Variants in IQSEC1 observed in about 807,000 individuals in gnomAD.
The protein encoded by IQSEC1 is IQ motif and Sec7 domain ArfGEF 1.
IQSEC1 carries 31 observed loss-of-function variants against 91.0 expected under a neutral mutation model. The observed-to-expected ratio is 0.34, with a 90% CI of 0.26 to 0.46. IQSEC1 has a LOEUF of 0.46. Ranked by LOEUF, IQSEC1 falls within the 20% of genes least tolerant of loss-of-function variation. The probability of loss-of-function intolerance (pLI) is 1.00; values close to 1 mark genes in which losing one functional copy is unlikely to be tolerated. For missense variants in IQSEC1, 1,388 were observed against 1,575.6 expected, an observed-to-expected ratio of 0.88 and a Z score of 2.02; for synonymous variants, 699 against 662.6, an observed-to-expected ratio of 1.05 and a Z score of -0.84.
At chr3:13,186,647 A>G (rs999800765) in intron 1 of IQSEC1, among the ~76,000 whole-genome samples, 3 of 152,172 alleles carry the variant, frequency 2.0e-5, no homozygotes, top group African/African-American at 7.2e-5. Flanking sequence ...GGATGCACAG[A>G]CGGGGCAGAG....
chr3:13,187,886 G>T (rs1693960955), intron 1 of IQSEC1, among the ~76,000 whole-genome samples: 1 of 152,176 alleles, frequency 6.6e-6, no homozygotes, highest in South Asian at 2.1e-4. Flanking sequence ...AGGCCTCTGT[G>T]TAACCTCTTT....
chr3:13,082,515 A>C (rs1705661865), intron 2 of IQSEC1, among the ~76,000 whole-genome samples: 1 of 152,174 alleles, frequency 6.6e-6, no homozygotes, highest in South Asian at 2.1e-4. Flanking sequence ...TGAGCACTGC[A>C]TGGCCATAGG....
At chr3:12,933,565 C>G (rs1697899021) in intron 3 of IQSEC1, among the ~76,000 whole-genome samples, 1 of 152,258 alleles carries the variant, frequency 6.6e-6, no homozygotes, top group African/African-American at 2.4e-5. Flanking sequence ...CCCTCACCGC[C>G]CTGGGAGGAG....
chr3:13,133,634 G>A (rs1042571014), intron 2 of IQSEC1, among the ~76,000 whole-genome samples: 1 of 152,206 alleles, frequency 6.6e-6, no homozygotes, highest in South Asian at 2.1e-4. Flanking sequence ...AAGAGCGGTT[G>A]CACCGAGTCA....
At chr3:13,051,148 T>C (rs1038627349) in intron 1 of IQSEC1, among the ~76,000 whole-genome samples, 1 of 152,166 alleles carries the variant, frequency 6.6e-6, no homozygotes, top group Non-Finnish European at 1.5e-5. Flanking sequence ...TCCAGGCTCA[T>C]GGACACAGAG....
intron 2 of IQSEC1, among the ~76,000 whole-genome samples, chr3:13,127,140 C>T (rs1411126750): frequency 5.9e-5 from 9 of 152,014 alleles, no homozygotes; most frequent in Admixed American, 1.3e-4. Context: ...CGGCTGGGGG[C>T]GGTGGCTCAC....
chr3:13,120,062 G>T (rs1706398993), intron 2 of IQSEC1, among the ~76,000 whole-genome samples: 1 of 152,204 alleles, frequency 6.6e-6, no homozygotes, highest in Non-Finnish European at 1.5e-5. Context: ...ATGTTCCTTA[G>T]AAGGCACTCA....
chr3:12,952,940 C>A (rs1263829492), intron 1 of IQSEC1, among the ~76,000 whole-genome samples: 1 of 152,362 alleles, frequency 6.6e-6, no homozygotes, highest in African/African-American at 2.4e-5. Flanking sequence ...TGACAGGCAG[C>A]GACCCTGGCC....
intron 1 of IQSEC1, among the ~76,000 whole-genome samples, chr3:13,019,152 T>A (rs1703283446): frequency 1.3e-5 from 2 of 152,222 alleles, no homozygotes; most frequent in African/African-American, 4.8e-5. Flanking sequence ...CAACCTACCG[T>A]TGTGGGCTCT....
intron 2 of IQSEC1, among the ~76,000 whole-genome samples, chr3:12,938,651 G>A (rs964528760): frequency 3.9e-5 from 6 of 152,144 alleles, no homozygotes; most frequent in Non-Finnish European, 5.9e-5. Flanking sequence ...CCCATAAGAG[G>A]CCCAAGGCTG....
Position 12,899,260 on chromosome 3 carries a change from G to T in IQSEC1, c.*1723C>A. 1 of 1,049,490 alleles carries T rather than the reference G, an allele frequency of 9.5e-7. No individual in the cohort carries two copies. The highest frequency in any genetic ancestry group is 1.5e-5 in the South Asian group (1 of 66,362). The allele number at this position is 1,049,490 out of a possible 1,614,324, so 65.0% of individuals were successfully genotyped here. A position where few individuals can be genotyped will look rare whatever the true frequency, so the allele number is the denominator to read the frequency against. On this transcript the variant is annotated 3_prime_UTR_variant, in exon 14 of 14. Coordinates refer to ENST00000613206, the MANE Select transcript of IQSEC1 (RefSeq NM_001134382.3). ...GGGCTCCCCTCTCCTCCTGCCGTCC[G>T]GCCACGGCTCACCACGCTGTCCACT...
intron 1 of IQSEC1, among the ~76,000 whole-genome samples, chr3:12,948,517 G>C (rs867168011): frequency 1.3e-5 from 2 of 152,234 alleles, no homozygotes; most frequent in Admixed American, 6.5e-5. Context: ...AGACCTGTTG[G>C]ATGCCACGTC....
chr3:13,145,092 G>C (rs72658708), intron 2 of IQSEC1, among the ~76,000 whole-genome samples: 26 of 152,172 alleles, frequency 1.7e-4, no homozygotes, highest in African/African-American at 5.6e-4. Flanking sequence ...AGGGTGGGGG[G>C]GCTGGCATGA....
chr3:13,184,117 AC>A (rs1249182163), intron 1 of IQSEC1, among the ~76,000 whole-genome samples: 1 of 152,218 alleles, frequency 6.6e-6, no homozygotes, highest in Non-Finnish European at 1.5e-5. Flanking sequence ...TTCTACACAA[AC>A]TTTTCCAGAA....
chr3:13,074,135 GGATGAAAAGA>G (rs1705522253), upstream of IQSEC1, among the ~76,000 whole-genome samples: 2 of 152,358 alleles, frequency 1.3e-5, no homozygotes, highest in East Asian at 3.9e-4. Flanking sequence ...ATAAGGATCA[GGATGAAAAGA>G]GAGCAGGAAG....
At chr3:13,105,505 G>A (rs1706139395) in intron 2 of IQSEC1, among the ~76,000 whole-genome samples, 1 of 152,150 alleles carries the variant, frequency 6.6e-6, no homozygotes, top group Admixed American at 6.5e-5. Flanking sequence ...GGGGCATGGT[G>A]AATCCTGAAA....
At chr3:13,052,762 G>T (rs114593038) in intron 1 of IQSEC1, among the ~76,000 whole-genome samples, 1 of 146,910 alleles carries the variant, frequency 6.8e-6, no homozygotes, top group Non-Finnish European at 1.5e-5. Flanking sequence ...TGCCATGTCT[G>T]TTTTTTTTTT....
At chr3:13,213,065 A>G (rs551805878) in intron 1 of IQSEC1, among the ~76,000 whole-genome samples, 1 of 152,282 alleles carries the variant, frequency 6.6e-6, no homozygotes, top group South Asian at 2.1e-4. Flanking sequence ...ATGGGGTCCA[A>G]TTTATCTACT....
In IQSEC1 at chr3:13,252,755, C is replaced by T. The variant is rs1020498344; in HGVS notation, c.272+29956G>A. On this transcript the variant is annotated intron_variant, in intron 1 of 15. Coordinates refer to the IQSEC1 transcript ENST00000648114. ...TTTTGTTTGTTTGTTTGTTTTGAGA[C>T]GGAGTCTTGCTCTGTCACCCAGGCT... Among the ~76,000 whole-genome samples, 47 of 143,274 alleles carry T rather than the reference C, an allele frequency of 3.3e-4. 1 individual carries two copies. The highest frequency in any genetic ancestry group is 2.7e-3 in the East Asian group (14 of 5,126). 94.0% of individuals were successfully genotyped at this position (143,274 alleles called of 152,430 possible).
Sources: allele counts gnomAD v4.1 joint callset (sites outside exome capture counted in the v4.1 genomes callset), GRCh38; gene constraint gnomAD v4.1.1; transcripts MANE v1.5; gene names NCBI Gene and HGNC (gene_info 2026-07-23, HGNC 2026-07-21).